Variants in SMG6 observed in about 807,000 individuals in gnomAD.
SMG6 encodes SMG6 nonsense mediated mRNA decay factor.
Under a neutral mutation model 142.2 loss-of-function variants are expected in SMG6, and 66 were observed. The observed-to-expected ratio is 0.46, with a 90% CI of 0.38 to 0.57. The LOEUF is 0.57. Among genes scored for constraint, SMG6 ranks in the 20% least tolerant of loss-of-function variants. The pLI, the probability that SMG6 is intolerant of heterozygous loss-of-function variation, is 0.00. For synonymous variants in SMG6, 779 were observed against 702.4 expected (o/e 1.11, Z -1.72); for missense variants, 1,793 against 1,832.0 (o/e 0.98, Z 0.39).
intron 6 of SMG6, among the ~76,000 whole-genome samples, chr17:2,292,303 T>A (rs754089087): frequency 6.6e-6 from 1 of 152,162 alleles, no homozygotes; most frequent in African/African-American, 2.4e-5. Context: ...GGTGTTTAGC[T>A]GGAGCATGAG....
chr17:2,190,410 T>G (rs1567671041), intron 10 of SMG6, among the ~76,000 whole-genome samples: 1 of 152,182 alleles, frequency 6.6e-6, no homozygotes, highest in Non-Finnish European at 1.5e-5. Context: ...ACTGGCATTT[T>G]ATGAAGCACA....
Position 2,300,483 on chromosome 17 carries a change from A to T in SMG6, c.270T>A (p.Gly90=). The change falls in exon 2 of 19, where the codon GGT becomes GGA. Residue 90 remains glycine, a synonymous_variant. Transcript: ENST00000263073. ...TGCAGACATCTTTAACGGGCTGTGTACCATTTTCAACAGCAGAGCAATCTC... is the reference window on the plus strand; with the variant it reads ...TGCAGACATCTTTAACGGGCTGTGTTCCATTTTCAACAGCAGAGCAATCTC... ...NDRDCSAVEN[G]TQPVKDVCKE... is the part of the protein sequence containing the mutation. 1 of 1,614,148 alleles carries T rather than the reference A, an allele frequency of 6.2e-7. No homozygotes were observed. The highest frequency in any genetic ancestry group is 8.5e-7 in the Non-Finnish European group (1 of 1,180,004).
In SMG6 at chr17:2,186,755, C is replaced by T; in HGVS notation, c.3063G>A (p.Glu1021=). 2 of 1,614,248 alleles carry T rather than the reference C, an allele frequency of 1.2e-6. No individual in the cohort carries two copies. The highest frequency in any genetic ancestry group is 1.7e-6 in the Non-Finnish European group (2 of 1,180,048). ...KVSSFVPDLK[E]LLPSVKVWSD... is the part of the protein sequence containing the mutation. ...ACCAGACTTTGACACTGGGGAGCAG[C>T]TCCTTCAGGTCCGGGACAAAGGAAG... Residue 1021 remains glutamate (E), a synonymous_variant, in exon 12 of 19, where the codon GAG becomes GAA. Transcript: ENST00000263073.
intron 15 of SMG6, among the ~76,000 whole-genome samples, chr17:2,075,537 G>T (rs2151415898): frequency 6.6e-6 from 1 of 152,328 alleles, no homozygotes; most frequent in East Asian, 1.9e-4. Flanking sequence ...AGGAAGCGGG[G>T]GATTCACAGG....
In SMG6 at chr17:2,298,150, G is replaced by C. The variant is rs148100355; in HGVS notation, c.1848-95C>G. The C allele has an allele frequency of 5.7e-3, 6,598 of 1,153,474 alleles. 29 individuals are homozygous for C. The highest frequency in any genetic ancestry group is 7.2e-3 in the Non-Finnish European group (6,046 of 835,318). 71.5% of individuals were successfully genotyped at this position (1,153,474 alleles called of 1,614,324 possible). On this transcript the variant is annotated intron_variant, in intron 2 of 18. Transcript: ENST00000263073. Reference sequence around the variant, plus strand: ...TTCCTGCAAATTAACCACCTCCCCTGGCAGGAAATAAAAAATGTGACCAGG... The same window carrying C: ...TTCCTGCAAATTAACCACCTCCCCTCGCAGGAAATAAAAAATGTGACCAGG...
intron 9 of SMG6, among the ~76,000 whole-genome samples, chr17:2,243,629 C>T (rs1242300718): frequency 3.9e-5 from 6 of 152,018 alleles, no homozygotes. Context: ...TGCAGAGAGT[C>T]GAGTCATGCC....
chr17:2,104,787 TGATGAAGC>T (rs2069109099), intron 13 of SMG6, among the ~76,000 whole-genome samples: 1 of 152,164 alleles, frequency 6.6e-6, no homozygotes, highest in Non-Finnish European at 1.5e-5. Context: ...AGTGATGAAG[TGATGAAGC>T]TGGGCTTTGA....
In SMG6 at chr17:2,061,511, G is replaced by A. The variant is rs371827551; in HGVS notation, c.4241C>T (p.Thr1414Met). Residue 1414 changes from threonine to methionine, a missense_variant, in exon 19 of 19, where the codon ACG becomes ATG. By Grantham distance (81) the Thr-to-Met change is moderately conservative. Coordinates refer to ENST00000263073, the MANE Select transcript of SMG6 (RefSeq NM_017575.5). ...GCTCCCTCAGCCCACCTGGGCCCAC[G>A]TGAGGAAGGCTGGGATGTCCCGTAC... ...VPVRDIPAFL[T>M]WAQVG 22 of 1,573,886 alleles carry A rather than the reference G, an allele frequency of 1.4e-5. No homozygotes were observed. The highest frequency in any genetic ancestry group is 1.1e-4 in the African/African-American group (8 of 73,978).
chr17:2,085,627 C>T lies in SMG6; in HGVS notation c.3534+98G>A. 1 of 1,232,332 alleles carries T rather than the reference C, an allele frequency of 8.1e-7. No individual in the cohort carries two copies. The highest frequency in any genetic ancestry group is 1.1e-6 in the Non-Finnish European group (1 of 871,012). The allele number at this position is 1,232,332 out of a possible 1,614,324, so 76.3% of individuals were successfully genotyped here. The stretch of plus-strand genomic sequence containing the variant: ...TGGTCACATTAACACAGACGCTGTT[C>T]TCTGTGCTCATAAATAAGCAGGAGG... On this transcript the variant is annotated intron_variant, in intron 14 of 18. Transcript: ENST00000263073. This position sits in a 1 kb window ranked among gnomAD's most constrained non-coding sequence, Gnocchi z 4.1.
chr17:2,266,135 GT>G, intron 8 of SMG6: 2 of 985,320 alleles, frequency 2.0e-6, no homozygotes, highest in Non-Finnish European at 2.4e-6. Context: ...AATTATTGCT[GT>G]TAACATCTTC....
chr17:2,237,675 A>T (rs1567708564), intron 9 of SMG6: 2 of 499,628 alleles, frequency 4.0e-6, no homozygotes, highest in Non-Finnish European at 5.2e-6. Context: ...CTAGCCAGTG[A>T]CCTAGGGCTC....
intron 16 of SMG6, chr17:2,065,924 T>A: frequency 1.8e-6 from 1 of 560,932 alleles, no homozygotes; most frequent in Non-Finnish European, 3.2e-6. Context: ...GGGAGGAACT[T>A]AAAGGAATCT....
intron 13 of SMG6, among the ~76,000 whole-genome samples, chr17:2,161,717 CT>C (rs2071185219): frequency 7.0e-6 from 1 of 142,332 alleles, no homozygotes; most frequent in Non-Finnish European, 1.5e-5. Context: ...AAGGATTTGT[CT>C]AAAAAAAAAA....
At chr17:2,167,512 G>A (rs1455092014) in intron 13 of SMG6, among the ~76,000 whole-genome samples, 2 of 152,180 alleles carry the variant, frequency 1.3e-5, no homozygotes, top group Non-Finnish European at 1.5e-5. Context: ...CAATGATTAC[G>A]TTAATGCCAA....
chr17:2,239,527 T>G (rs1254000770), intron 9 of SMG6, among the ~76,000 whole-genome samples: 1 of 152,080 alleles, frequency 6.6e-6, no homozygotes, highest in Admixed American at 6.6e-5. Context: ...TGAGAGAAAC[T>G]TCCAAACATA....
At chr17:2,281,827 C>T (rs1299966936) in intron 8 of SMG6, among the ~76,000 whole-genome samples, 2 of 152,202 alleles carry the variant, frequency 1.3e-5, no homozygotes, top group Non-Finnish European at 2.9e-5. Flanking sequence ...TTTCCACCTA[C>T]CGTGCTCTCT....
At chr17:2,101,731 CA>C in intron 13 of SMG6, 1 of 152,302 alleles carries the variant, frequency 6.6e-6, no homozygotes, top group African/African-American at 2.4e-5. Flanking sequence ...TTACACGAAC[CA>C]ACTCGTGATC....
At chr17:2,152,974 C>T (rs1011150318) in intron 13 of SMG6, among the ~76,000 whole-genome samples, 20 of 152,074 alleles carry the variant, frequency 1.3e-4, no homozygotes, top group African/African-American at 4.3e-4. Context: ...TGTATGTATA[C>T]AATGGAATAC....
intron 6 of SMG6, among the ~76,000 whole-genome samples, chr17:2,288,096 C>G (rs1320255636): frequency 6.6e-6 from 1 of 150,960 alleles, no homozygotes; most frequent in Non-Finnish European, 1.5e-5. Context: ...GGTGGATCAC[C>G]TGAAGTCTGG....
Sources: allele counts gnomAD v4.1 joint callset (sites outside exome capture counted in the v4.1 genomes callset), GRCh38; gene constraint gnomAD v4.1.1; non-coding constraint Gnocchi (gnomAD v3.1); transcripts MANE v1.5; gene names NCBI Gene and HGNC (gene_info 2026-07-23, HGNC 2026-07-21).